NR3C2: variants seen among roughly 807,000 people sequenced by gnomAD.
NR3C2 encodes mineralocorticoid receptor.
A neutral mutation model predicts 86.4 loss-of-function variants in NR3C2; 15 were observed. The observed-to-expected ratio is 0.17, with a 90% confidence interval of 0.12 to 0.27. The LOEUF (loss-of-function observed/expected upper bound fraction) is 0.27, where lower values mean the gene tolerates loss of function less well. Among genes scored for constraint, NR3C2 ranks in the 10% least tolerant of loss-of-function variants. The pLI, the probability that NR3C2 is intolerant of heterozygous loss-of-function variation, is 1.00. For missense variants in NR3C2, 960 were observed against 1,195.6 expected (o/e 0.80, Z 2.91); for synonymous variants, 458 against 450.5 (o/e 1.02, Z -0.21).
In NR3C2 at chr4:148,184,566, CAAT is replaced by C. The variant is rs771448753; in HGVS notation, c.2014+10177_2014+10179del. On this transcript the variant is annotated intron_variant, in intron 4 of 8. Transcript: ENST00000358102. ...ATACATTTCATATACATATTTACAA[CAAT>C]ATTTATATATTTTATGTAATATATG... Among the ~76,000 whole-genome samples, 92 of 151,952 alleles carry C rather than the reference CAAT, an allele frequency of 6.1e-4. 1 individual carries two copies. Among genetic ancestry groups the C allele is most frequent in the Middle Eastern group, 6.8e-3 (2 of 294 alleles).
rs775214915 is a variant in NR3C2 at position 148,166,817 on chromosome 4, T to C, written c.2015-11916A>G. Among the ~76,000 whole-genome samples the C allele has an allele frequency of 4.0e-4, 60 of 151,480 alleles. 2 individuals are homozygous for C. Among genetic ancestry groups the C allele is most frequent in the East Asian group, 1.9e-4 (1 of 5,160 alleles). The stretch of plus-strand genomic sequence containing the variant: ...ACAGTCAGCCGTTATCCATCAAAGC[T>C]GTGAAGGACCCGTCCTGGGAGGACT... On this transcript the variant is annotated intron_variant, in intron 4 of 8. Transcript: ENST00000358102.
At chr4:148,190,929 C>T (rs527988759) in intron 4 of NR3C2, among the ~76,000 whole-genome samples, 3 of 152,126 alleles carry the variant, frequency 2.0e-5, no homozygotes, top group South Asian at 2.1e-4. Context: ...ATACATTCTG[C>T]GGTTCTGTAT....
At chr4:148,353,356 T>A (rs1160183436) in intron 2 of NR3C2, among the ~76,000 whole-genome samples, 3 of 152,130 alleles carry the variant, frequency 2.0e-5, no homozygotes, top group African/African-American at 7.2e-5. Context: ...TATGGTAAAT[T>A]TAGTTTATCA....
chr4:148,428,108 T>C (rs1749637556), intron 2 of NR3C2, among the ~76,000 whole-genome samples: 1 of 152,144 alleles, frequency 6.6e-6, no homozygotes, highest in Admixed American at 6.5e-5. Context: ...GGTCTAAGTA[T>C]AGTAATAACC....
At chr4:148,421,196 C>T (rs1457410350) in intron 2 of NR3C2, among the ~76,000 whole-genome samples, 2 of 152,174 alleles carry the variant, frequency 1.3e-5, no homozygotes, top group Non-Finnish European at 2.9e-5. Context: ...ATAAAATATA[C>T]ATAAAATTTG....
intron 3 of NR3C2, among the ~76,000 whole-genome samples, chr4:148,245,508 G>A (rs1739274796): frequency 6.6e-6 from 1 of 152,118 alleles, no homozygotes; most frequent in Non-Finnish European, 1.5e-5. Flanking sequence ...AACTTCTACA[G>A]AAATTATACA....
At chr4:148,293,317 C>T (rs564883414) in intron 2 of NR3C2, among the ~76,000 whole-genome samples, 3 of 152,260 alleles carry the variant, frequency 2.0e-5, no homozygotes, top group East Asian at 3.9e-4. Flanking sequence ...AATTATTTTG[C>T]TTTGGTAGTC....
chr4:148,362,931 CTT>C (rs373705555), intron 2 of NR3C2, among the ~76,000 whole-genome samples: 180 of 152,310 alleles, frequency 1.2e-3, no homozygotes, highest in African/African-American at 4.0e-3. Flanking sequence ...CGTTCAAACA[CTT>C]TTCATTTATT....
chr4:148,125,860 A>C (rs1444064666), intron 6 of NR3C2, among the ~76,000 whole-genome samples: 1 of 152,362 alleles, frequency 6.6e-6, no homozygotes, highest in East Asian at 1.9e-4. Context: ...ATGATAATTA[A>C]GGAAAATACT....
At chr4:148,367,423 A>C (rs1420164118) in intron 2 of NR3C2, among the ~76,000 whole-genome samples, 1 of 152,224 alleles carries the variant, frequency 6.6e-6, no homozygotes, top group Admixed American at 6.5e-5. Flanking sequence ...AAGATTAAAA[A>C]GTTTAAAGGT....
intron 8 of NR3C2, among the ~76,000 whole-genome samples, chr4:148,085,641 A>G (rs1201910325): frequency 6.6e-6 from 1 of 152,210 alleles, no homozygotes; most frequent in African/African-American, 2.4e-5. Flanking sequence ...ATAAGATCAG[A>G]GCAGAACTGA....
intron 2 of NR3C2, among the ~76,000 whole-genome samples, chr4:148,343,287 T>A (rs1349161110): frequency 6.6e-6 from 1 of 152,164 alleles, no homozygotes. Flanking sequence ...AAGTTCACTT[T>A]CTGTGCCATT....
intron 2 of NR3C2, among the ~76,000 whole-genome samples, chr4:148,398,639 TG>T (rs989235331): frequency 2.0e-5 from 3 of 152,198 alleles, no homozygotes; most frequent in African/African-American, 7.2e-5. Flanking sequence ...AGAAAGGTGC[TG>T]GGGACAGAGT....
At chr4:148,437,463 A>C (rs989455900) in intron 1 of NR3C2, among the ~76,000 whole-genome samples, 4 of 151,794 alleles carry the variant, frequency 2.6e-5, no homozygotes, top group African/African-American at 9.7e-5. Flanking sequence ...TTTTAAAAGT[A>C]AGACTCTCTT....
rs111431999 is a variant in NR3C2 at position 148,221,996 on chromosome 4, G to A, written c.1898-27134C>T. Among the ~76,000 whole-genome samples, 1,288 of 151,568 alleles carry A rather than the reference G, an allele frequency of 8.5e-3. 14 individuals carry two copies. Among genetic ancestry groups the A allele is most frequent in the African/African-American group, 0.029 (1,195 of 41,360 alleles). ...AATTTGTGCATACATGTCTGTGTATGTATGTGTGTATATAGTAAAATAGTT... is the reference window on the plus strand; with the variant it reads ...AATTTGTGCATACATGTCTGTGTATATATGTGTGTATATAGTAAAATAGTT... On this transcript the variant is annotated intron_variant, in intron 3 of 8. Transcript: ENST00000358102.
At chr4:148,130,013 A>G (rs1427361832) in intron 6 of NR3C2, among the ~76,000 whole-genome samples, 1 of 152,176 alleles carries the variant, frequency 6.6e-6, no homozygotes, top group Non-Finnish European at 1.5e-5. Context: ...TTACTGTTTT[A>G]GCTACTTGCT....
intron 2 of NR3C2, among the ~76,000 whole-genome samples, chr4:148,379,668 C>G (rs1746861962): frequency 6.6e-6 from 1 of 152,092 alleles, no homozygotes; most frequent in Admixed American, 6.6e-5. Flanking sequence ...GTCATATTAG[C>G]TAATAAATAA....
intron 2 of NR3C2, among the ~76,000 whole-genome samples, chr4:148,416,637 C>T (rs1463582431): frequency 6.6e-6 from 1 of 152,208 alleles, no homozygotes; most frequent in Non-Finnish European, 1.5e-5. Context: ...GCGATGGTCT[C>T]TATGCTCCCT....
Position 148,092,717 on chromosome 4 carries a change from G to A in NR3C2, c.2800-11218C>T, listed in dbSNP as rs1013552501. 8.5e-5 allele frequency among the ~76,000 whole-genome samples: 13 copies of A among 152,130 alleles called. 1 individual carries two copies. Among genetic ancestry groups the A allele is most frequent in the Admixed American group, 5.2e-4 (8 of 15,268 alleles). The stretch of plus-strand genomic sequence containing the variant: ...TCCTTTCCATCTTTCCCTAGACTCC[G>A]GTTTCCTTCAGCCTGTTTATGCTGA... On this transcript the variant is annotated intron_variant, in intron 8 of 8. Coordinates refer to ENST00000358102, the MANE Select transcript of NR3C2 (RefSeq NM_000901.5).
Sources: allele counts gnomAD v4.1 joint callset (sites outside exome capture counted in the v4.1 genomes callset), GRCh38; gene constraint gnomAD v4.1.1; transcripts MANE v1.5; gene names NCBI Gene and HGNC (gene_info 2026-07-23, HGNC 2026-07-21).